LIMCH1: variants seen among roughly 807,000 people sequenced by gnomAD.
LIMCH1 encodes the protein LIM and calponin homology domains 1, also known as LIM and calponin homology domains-containing protein 1.
A neutral mutation model predicts 176.5 loss-of-function variants in LIMCH1; 113 were observed. The ratio of observed to expected loss-of-function variants is 0.64; its 90% CI spans 0.55 to 0.75. The LOEUF is 0.75. LIMCH1 is among the 30% of genes least tolerant of loss of function. The probability of loss-of-function intolerance (pLI) is 0.00; values close to 1 mark genes in which losing one functional copy is unlikely to be tolerated. For synonymous variants in LIMCH1, 619 were observed against 645.9 expected (o/e 0.96, Z 0.63); for missense variants, 1,674 against 1,814.9 (o/e 0.92, Z 1.41).
At chr4:41,623,149 C>G (rs1412834103) in intron 7 of LIMCH1, among the ~76,000 whole-genome samples, 1 of 152,162 alleles carries the variant, frequency 6.6e-6, no homozygotes, top group Non-Finnish European at 1.5e-5. Flanking sequence ...AGTAGCTTAA[C>G]TGGAATGAAG....
At chr4:41,573,124 A>C (rs984873897) in intron 1 of LIMCH1, among the ~76,000 whole-genome samples, 1 of 152,314 alleles carries the variant, frequency 6.6e-6, no homozygotes, top group Non-Finnish European at 1.5e-5. Flanking sequence ...TCCTCTTTCT[A>C]TGCACCAGTG....
intron 1 of LIMCH1, among the ~76,000 whole-genome samples, chr4:41,399,999 C>A (rs2058239546): frequency 6.6e-6 from 1 of 150,620 alleles, no homozygotes; most frequent in African/African-American, 2.5e-5. Flanking sequence ...ATACTCTTTT[C>A]ATTTCCATTT....
At chr4:41,364,287 A>T (rs1163354824) in intron 1 of LIMCH1, among the ~76,000 whole-genome samples, 2 of 152,168 alleles carry the variant, frequency 1.3e-5, no homozygotes, top group Admixed American at 1.3e-4. Flanking sequence ...TATGGTTAGT[A>T]GTATTATTAC....
chr4:41,575,803 A>G (rs550573701), intron 1 of LIMCH1, among the ~76,000 whole-genome samples: 22 of 152,296 alleles, frequency 1.4e-4, no homozygotes, highest in Non-Finnish European at 2.1e-4. Context: ...ATTCTAGCAG[A>G]TACTCCCAGC....
In LIMCH1 at chr4:41,619,446, G is replaced by A; in HGVS notation, c.458+6G>A. 4 of 1,606,134 alleles carry A rather than the reference G, an allele frequency of 2.5e-6. No homozygotes were observed. The Admixed American group carries it at 5.0e-5, about 20-fold the overall frequency. ...GGTGGGGAGAGGCCCTTCAGGTAAG[G>A]CCTGAGCACCGCTGCCCTCTTCCTG... On this transcript the variant is annotated splice_donor_region_variant and intron_variant, in intron 6 of 31. Coordinates refer to ENST00000503057, the MANE Select transcript of LIMCH1 (RefSeq NM_001330672.2).
intron 7 of LIMCH1, among the ~76,000 whole-genome samples, chr4:41,622,856 C>T (rs907393042): frequency 6.6e-6 from 1 of 152,172 alleles, no homozygotes; most frequent in South Asian, 2.1e-4. Context: ...CATGATGCCT[C>T]AGGTCTTCTG....
chr4:41,389,131 A>T (rs1482372422), intron 1 of LIMCH1: 1 of 152,198 alleles, frequency 6.6e-6, no homozygotes, highest in Non-Finnish European at 1.5e-5. Context: ...CCTAAGTTTG[A>T]CCCCAGTGAG....
intron 2 of LIMCH1, among the ~76,000 whole-genome samples, chr4:41,503,870 C>G (rs188440082): frequency 1.3e-4 from 20 of 152,230 alleles, no homozygotes; most frequent in African/African-American, 4.8e-4. Context: ...ACCTCCCTCT[C>G]TAGGGGTTTG....
At chr4:41,466,070 C>T (rs550045879) in intron 1 of LIMCH1, among the ~76,000 whole-genome samples, 9 of 151,722 alleles carry the variant, frequency 5.9e-5, no homozygotes, top group South Asian at 2.1e-4. Flanking sequence ...GTGATTCTCC[C>T]GTTTCAGCCT....
In LIMCH1 at chr4:41,682,379, G is replaced by C; in HGVS notation, c.3764G>C (p.Arg1255Thr). 1 of 1,612,802 alleles carries C rather than the reference G, an allele frequency of 6.2e-7. No individual in the cohort carries two copies. Among genetic ancestry groups the C allele is most frequent in the Non-Finnish European group, 8.5e-7 (1 of 1,178,960 alleles). Residue 1255 changes from arginine to threonine, a missense_variant, in exon 26 of 32, where the codon AGA becomes ACA. Coordinates refer to ENST00000503057, the MANE Select transcript of LIMCH1 (RefSeq NM_001330672.2). Reference protein sequence around the residue: ...GNCQDEKQDRRWKKSFQGDDS... With the variant: ...GNCQDEKQDRTWKKSFQGDDS... ...TGTCAAGATGAAAAACAAGACAGAA[G>C]ATGGAAGAAATCATTCCAGGGAGAT... is the stretch of plus-strand genomic sequence containing the variant.
chr4:41,435,783 C>G (rs2062020059), intron 1 of LIMCH1, among the ~76,000 whole-genome samples: 1 of 152,118 alleles, frequency 6.6e-6, no homozygotes, highest in Admixed American at 6.5e-5. Flanking sequence ...GAACATCATG[C>G]AAGATCAGGG....
At chr4:41,590,028 G>T (rs2087217279) in intron 1 of LIMCH1, among the ~76,000 whole-genome samples, 1 of 152,134 alleles carries the variant, frequency 6.6e-6, no homozygotes, top group Non-Finnish European at 1.5e-5. Context: ...CCAATCCAAA[G>T]AGAGGTGCTC....
At chr4:41,393,396 A>C (rs993464858) in intron 1 of LIMCH1, among the ~76,000 whole-genome samples, 1 of 152,220 alleles carries the variant, frequency 6.6e-6, no homozygotes, top group Admixed American at 6.5e-5. Context: ...TCACGGCAAT[A>C]AAGTGTGCAT....
At position 41,423,124 on chromosome 4, in the gene LIMCH1, A is replaced by AGG. The variant is rs1429592913; in HGVS notation, c.96+62191_96+62192dup. ...AATGAAATCAATGAATGCCCTTCTG[A>AGG]GGGGACTACTGTGAAGGCTAACATT... On this transcript the variant is annotated intron_variant, in intron 1 of 26. Transcript: ENST00000313860. 4.6e-5 allele frequency among the ~76,000 whole-genome samples: 7 copies of AGG among 152,292 alleles called. No individual in the cohort carries two copies. In the East Asian group the frequency reaches 1.4e-3, roughly 29 times the overall value.
At position 41,638,110 on chromosome 4, in the gene LIMCH1, TGTTGTTG is replaced by T. The variant is rs1562028312; in HGVS notation, c.2091-821_2091-815del. On this transcript the variant is annotated intron_variant, in intron 13 of 31. Coordinates refer to ENST00000503057, the MANE Select transcript of LIMCH1 (RefSeq NM_001330672.2). ...TGTGGGAGCTGTGTTGTTTTGTTGT[TGTTGTTG>T]TTGTTGTTGTTGTTGTTTTTTCATG... 4.4e-3 allele frequency among the ~76,000 whole-genome samples: 340 copies of T among 77,888 alleles called. 3 individuals carry two copies. Among genetic ancestry groups the T allele is most frequent in the African/African-American group, 0.013 (253 of 18,786 alleles). The allele number at this position is 77,888 out of a possible 152,430, so 51.1% of individuals were successfully genotyped here.
chr4:41,402,170 A>G (rs2058512831), intron 1 of LIMCH1, among the ~76,000 whole-genome samples: 1 of 152,226 alleles, frequency 6.6e-6, no homozygotes, highest in African/African-American at 2.4e-5. Context: ...GGCAAAGGAT[A>G]TGAACAGACA....
chr4:41,531,658 T>C (rs1177093551), intron 3 of LIMCH1, among the ~76,000 whole-genome samples: 1 of 152,154 alleles, frequency 6.6e-6, no homozygotes, highest in African/African-American at 2.4e-5. Context: ...CTCTTTCCAG[T>C]GCAAATCAAT....
intron 1 of LIMCH1, among the ~76,000 whole-genome samples, chr4:41,381,730 C>A (rs1423284631): frequency 6.6e-6 from 1 of 152,166 alleles, no homozygotes; most frequent in Non-Finnish European, 1.5e-5. Context: ...CCCAGATGGC[C>A]TGCTGGAGGA....
chr4:41,593,772 T>G (rs532954862), intron 1 of LIMCH1, among the ~76,000 whole-genome samples: 11 of 152,206 alleles, frequency 7.2e-5, no homozygotes, highest in Non-Finnish European at 1.0e-4. Flanking sequence ...GTTGAATTAT[T>G]TTAACAGAGA....
Sources: gnomAD v4.1 joint callset for allele counts (sites outside exome capture counted in the v4.1 genomes callset) on GRCh38, gnomAD v4.1.1 for gene constraint, MANE v1.5 for transcripts, NCBI Gene and HGNC (gene_info 2026-07-23, HGNC 2026-07-21) for gene names.